KCNIP4: variants seen among roughly 807,000 people sequenced by gnomAD.
The protein encoded by KCNIP4 is potassium voltage-gated channel interacting protein 4, also known as Kv channel-interacting protein 4.
KCNIP4 carries 12 observed loss-of-function variants against 34.0 expected under a neutral mutation model. The observed-to-expected ratio is 0.35, with a 90% CI of 0.23 to 0.57. KCNIP4 has a LOEUF of 0.57. Ranked by LOEUF, KCNIP4 falls within the 20% of genes least tolerant of loss-of-function variation. The probability of loss-of-function intolerance (pLI) is 0.83; values close to 1 mark genes in which losing one functional copy is unlikely to be tolerated. For synonymous variants in KCNIP4, 124 were observed against 102.2 expected, an observed-to-expected ratio of 1.21 and a Z score of -1.29; for missense variants, 238 against 311.7, an observed-to-expected ratio of 0.76 and a Z score of 1.78.
intron 3 of KCNIP4, among the ~76,000 whole-genome samples, chr4:20,799,607 C>A (rs925913631): frequency 6.6e-6 from 1 of 152,168 alleles, no homozygotes; most frequent in African/African-American, 2.4e-5. Flanking sequence ...TGCTCCACCA[C>A]CCTCAATCCC....
chr4:21,635,615 C>A (rs1746087278), intron 1 of KCNIP4, among the ~76,000 whole-genome samples: 1 of 152,100 alleles, frequency 6.6e-6, no homozygotes, highest in South Asian at 2.1e-4. Flanking sequence ...GTTAGAATGG[C>A]AATCATTAAA....
Position 21,673,541 on chromosome 4 carries a change from C to G in KCNIP4, c.61+275030G>C, listed in dbSNP as rs182812212. Among the ~76,000 whole-genome samples, 5 of 151,450 alleles carry G rather than the reference C, an allele frequency of 3.3e-5. No homozygotes were observed. In the East Asian group the frequency reaches 9.7e-4, roughly 29 times the overall value. ...AGAATGGCATATTTAAAAAATAAAC[C>G]CTCCACTAACATAATATTGGGCTTT... On this transcript the variant is annotated intron_variant, in intron 1 of 8. Coordinates refer to ENST00000382152, the MANE Select transcript of KCNIP4 (RefSeq NM_025221.6).
intron 1 of KCNIP4, among the ~76,000 whole-genome samples, chr4:21,604,716 C>T (rs190843796): frequency 5.7e-4 from 87 of 152,244 alleles, no homozygotes; most frequent in Middle Eastern, 3.4e-3. Flanking sequence ...AAATTGGATG[C>T]TATTTGTCTG....
At chr4:21,615,705 T>C (rs1744548083) in intron 1 of KCNIP4, among the ~76,000 whole-genome samples, 1 of 152,158 alleles carries the variant, frequency 6.6e-6, no homozygotes, top group African/African-American at 2.4e-5. Context: ...TAAATCTGCT[T>C]CCATATTTTA....
intron 1 of KCNIP4, among the ~76,000 whole-genome samples, chr4:21,466,001 G>T (rs1729898060): frequency 6.6e-6 from 1 of 152,236 alleles, no homozygotes. Context: ...TTGTCAGCTG[G>T]AATACTGACT....
Position 21,451,215 on chromosome 4 carries a change from T to A in KCNIP4, c.61+497356A>T, listed in dbSNP as rs184497197. Among the ~76,000 whole-genome samples the A allele has an allele frequency of 3.2e-4, 48 of 152,282 alleles. No individual in the cohort carries two copies. The East Asian group carries it at 8.1e-3, about 26-fold the overall frequency. ...TTTGTTCTGTGGTTATTGCCATTCC[T>A]GAGTAATGAGCAACGAGATCTCTTT... is the stretch of plus-strand genomic sequence containing the variant. On this transcript the variant is annotated intron_variant, in intron 1 of 8. Coordinates refer to ENST00000382152, the MANE Select transcript of KCNIP4 (RefSeq NM_025221.6).
At position 21,571,610 on chromosome 4, in the gene KCNIP4, A is replaced by G. The variant is rs4146842; in HGVS notation, c.61+376961T>C. On this transcript the variant is annotated intron_variant, in intron 1 of 8. Coordinates refer to ENST00000382152, the MANE Select transcript of KCNIP4 (RefSeq NM_025221.6). ...GCAGAAGCACATATCCATCAGTTTC[A>G]CTGCAGAAAGCAGGAAGAGGAAGGT... 0.025 allele frequency among the ~76,000 whole-genome samples: 3,824 copies of G among 152,274 alleles called. 326 individuals carry two copies. The East Asian group carries it at 0.3, about 12-fold the overall frequency.
chr4:21,213,073 C>G (rs1022687390), intron 1 of KCNIP4, among the ~76,000 whole-genome samples: 2 of 151,986 alleles, frequency 1.3e-5, no homozygotes, highest in African/African-American at 4.8e-5. Context: ...CTAAAGTGAA[C>G]TAAACTTGCA....
In KCNIP4 at chr4:21,837,164, G is replaced by A. The variant is rs1023134129; in HGVS notation, c.61+111407C>T. Among the ~76,000 whole-genome samples, 10 of 64,426 alleles carry A rather than the reference G, an allele frequency of 1.6e-4. No homozygotes were observed. In the South Asian group the frequency reaches 1.9e-3, roughly 12 times the overall value. 42.3% of individuals were successfully genotyped at this position (64,426 alleles called of 152,430 possible). ...GATCTCCTGACCTTGTGATCTGCCCGCCTCAGCCTCCCAAAGTGCTGGGAA... is the reference window on the plus strand; with the variant it reads ...GATCTCCTGACCTTGTGATCTGCCCACCTCAGCCTCCCAAAGTGCTGGGAA... On this transcript the variant is annotated intron_variant, in intron 1 of 8. Coordinates refer to ENST00000382152, the MANE Select transcript of KCNIP4 (RefSeq NM_025221.6).
intron 1 of KCNIP4, among the ~76,000 whole-genome samples, chr4:21,600,381 T>C (rs1420360665): frequency 2.6e-5 from 4 of 152,142 alleles, no homozygotes; most frequent in Non-Finnish European, 5.9e-5. Context: ...TGATGCATAA[T>C]AGATGTACAT....
intron 1 of KCNIP4, among the ~76,000 whole-genome samples, chr4:21,778,585 G>C (rs935232558): frequency 1.3e-5 from 2 of 151,998 alleles, no homozygotes; most frequent in Admixed American, 6.6e-5. Context: ...AATTTCTCTT[G>C]TATTTCTCTG....
intron 1 of KCNIP4, among the ~76,000 whole-genome samples, chr4:21,097,715 T>A (rs1747585093): frequency 6.6e-6 from 1 of 152,046 alleles, no homozygotes; most frequent in South Asian, 2.1e-4. Flanking sequence ...TCCATCTCTC[T>A]CCCTCTCCCC....
chr4:21,654,913 GACTCTGTCTCAAAAAAAA>G (rs1284547078), intron 1 of KCNIP4, among the ~76,000 whole-genome samples: 1 of 151,664 alleles, frequency 6.6e-6, no homozygotes, highest in East Asian at 1.9e-4. Flanking sequence ...GACAGAGCGA[GACTCTGTCTCAAAAAAAA>G]AAGGAAAGAA....
intron 1 of KCNIP4, among the ~76,000 whole-genome samples, chr4:21,879,565 T>C (rs1408491766): frequency 6.6e-6 from 1 of 152,306 alleles, no homozygotes; most frequent in East Asian, 1.9e-4. Flanking sequence ...TTCCTGAATA[T>C]AAAGTCATGT....
At chr4:21,826,845 T>C (rs1722704313) in intron 1 of KCNIP4, among the ~76,000 whole-genome samples, 1 of 152,050 alleles carries the variant, frequency 6.6e-6, no homozygotes, top group African/African-American at 2.4e-5. Flanking sequence ...ATGTTTTAGC[T>C]GAAAAGGGTT....
intron 1 of KCNIP4, among the ~76,000 whole-genome samples, chr4:21,378,269 C>T (rs980602424): frequency 6.6e-6 from 1 of 152,130 alleles, no homozygotes; most frequent in Non-Finnish European, 1.5e-5. Flanking sequence ...ATTTCACTGC[C>T]TCTTTAACAA....
chr4:21,284,842 G>T (rs1160594606), intron 1 of KCNIP4, among the ~76,000 whole-genome samples: 4 of 152,038 alleles, frequency 2.6e-5, no homozygotes, highest in Admixed American at 6.6e-5. Context: ...ACTTGGGGGT[G>T]CCCACTTCTG....
intron 1 of KCNIP4, among the ~76,000 whole-genome samples, chr4:21,247,665 A>ATATATT (rs1560212363): frequency 2.3e-5 from 3 of 133,018 alleles, no homozygotes; most frequent in African/African-American, 9.8e-5. Flanking sequence ...ATATATTTAG[A>ATATATT]TATATCTATA....
At chr4:21,329,463 GT>G (rs1313406541) in intron 1 of KCNIP4, among the ~76,000 whole-genome samples, 4 of 152,152 alleles carry the variant, frequency 2.6e-5, no homozygotes, top group Non-Finnish European at 5.9e-5. Flanking sequence ...CAGAGCTTGT[GT>G]TAGGTATCAG....
Sources: allele counts gnomAD v4.1 joint callset (sites outside exome capture counted in the v4.1 genomes callset), GRCh38; gene constraint gnomAD v4.1.1; transcripts MANE v1.5; gene names NCBI Gene and HGNC (gene_info 2026-07-23, HGNC 2026-07-21).